The following MCMBP variants were observed in gnomAD, a reference collection of about 807,000 sequenced individuals.
The protein encoded by MCMBP is mini-chromosome maintenance complex-binding protein.
Under a neutral mutation model 81.3 loss-of-function variants are expected in MCMBP, and 31 were observed. That is an observed-to-expected ratio of 0.38 (90% CI 0.29 to 0.51). The LOEUF is 0.51. Ranked by LOEUF, MCMBP falls within the 20% of genes least tolerant of loss-of-function variation. The pLI, the probability that MCMBP is intolerant of heterozygous loss-of-function variation, is 0.87. For synonymous variants in MCMBP, 267 were observed against 275.9 expected, an observed-to-expected ratio of 0.97 and a Z score of 0.32; for missense variants, 645 against 772.1, an observed-to-expected ratio of 0.84 and a Z score of 1.95.
In MCMBP at chr10:119,859,051, GTGTT is replaced by G. The variant is rs1180721050; in HGVS notation, c.271_274del (p.Asn91GlnfsTer14). On this transcript the variant is annotated frameshift_variant, in exon 3 of 16. Transcript: ENST00000369077. LOFTEE classifies it high-confidence loss of function. ...AACAGCAATACTTACATGTGCTTTTGTGTTTTGGTTAACCGTTTCATAAACTCCC... is the reference window on the plus strand; with the variant it reads ...AACAGCAATACTTACATGTGCTTTTGTTGGTTAACCGTTTCATAAACTCCC... 2 of 1,613,400 alleles carry G rather than the reference GTGTT, an allele frequency of 1.2e-6. No individual in the cohort carries two copies. Among genetic ancestry groups the G allele is most frequent in the Non-Finnish European group, 1.7e-6 (2 of 1,179,696 alleles).
chr10:119,840,982 CAAT>C, intron 10 of MCMBP, 22 bp from the exon 11 acceptor site: 1 of 1,356,540 alleles, frequency 7.4e-7, no homozygotes, highest in Non-Finnish European at 1.0e-6. Context: ...AGAAATCAAT[CAAT>C]AAGATGCTGA....
At chr10:119,864,711 A>C (rs1336737877) in intron 1 of MCMBP, among the ~76,000 whole-genome samples, 1 of 128,496 alleles carries the variant, frequency 7.8e-6, no homozygotes, top group Non-Finnish European at 1.7e-5. Flanking sequence ...CTTCATTTCT[A>C]GTTTCATAGG....
At chr10:119,843,114 CGAGA>C (rs1295366823) in intron 9 of MCMBP, 136 bp downstream of exon 9, 4 of 931,732 alleles carry the variant, frequency 4.3e-6, no homozygotes, top group East Asian at 5.2e-5. Context: ...AATGGGGCAA[CGAGA>C]GAGAGATTAC....
chr10:119,860,085 C>T (rs929524014), intron 1 of MCMBP, among the ~76,000 whole-genome samples: 2 of 152,222 alleles, frequency 1.3e-5, no homozygotes, highest in African/African-American at 2.4e-5. Context: ...AGAAGCTGTA[C>T]TGAGCAGGGG....
intron 1 of MCMBP, among the ~76,000 whole-genome samples, chr10:119,867,925 A>G (rs1250600517): frequency 6.6e-6 from 1 of 152,198 alleles, no homozygotes; most frequent in East Asian, 1.9e-4. Context: ...TCATGGTGAT[A>G]ATAAAAAGCA....
rs3758619 is a variant in MCMBP at position 119,858,771 on chromosome 10, T to C, written c.327+113A>G. The C allele has an allele frequency of 4.2e-4, 352 of 830,344 alleles. 1 individual carries two copies. In the East Asian group the frequency reaches 9.0e-3, roughly 21 times the overall value. 51.4% of individuals were successfully genotyped at this position (830,344 alleles called of 1,614,324 possible). Reference sequence around the variant, plus strand: ...AACCAAATAAGGAAAACATTTCACATGATTTCTTGTAACTTATACACAAGA... The same window carrying C: ...AACCAAATAAGGAAAACATTTCACACGATTTCTTGTAACTTATACACAAGA... On this transcript the variant is annotated intron_variant, in intron 4 of 15. Transcript: ENST00000369077.
chr10:119,843,016 G>A, intron 9 of MCMBP: 1 of 455,816 alleles, frequency 2.2e-6, no homozygotes, highest in Non-Finnish European at 4.1e-6. Context: ...GCCTCCTAAA[G>A]TGCTAAGATT....
chr10:119,860,393 A>G (rs1299268388), intron 1 of MCMBP, among the ~76,000 whole-genome samples: 1 of 152,130 alleles, frequency 6.6e-6, no homozygotes, highest in Non-Finnish European at 1.5e-5. Context: ...GCTCCATCTC[A>G]TATTTTTTCT....
intron 1 of MCMBP, among the ~76,000 whole-genome samples, chr10:119,865,400 T>C (rs560919692): frequency 3.0e-4 from 45 of 152,280 alleles, no homozygotes; most frequent in African/African-American, 1.0e-3. Context: ...GAGACCAGCC[T>C]GGCCAACATG....
rs1370918391 is a variant in MCMBP at position 119,831,494 on chromosome 10, C to G, written c.1903G>C (p.Val635Leu). 6.2e-7 allele frequency: 1 copy of G among 1,613,840 alleles called. No individual in the cohort carries two copies. The highest frequency in any genetic ancestry group is 1.3e-5 in the African/African-American group (1 of 74,910). ...CATCTTTAAAGTTCATTTCCATTCA[C>G]ACATTTTTGCTGCTGAAGCCTCGTT... is the stretch of plus-strand genomic sequence containing the variant. ...RRTRLQQQKC[V>L]NGNEL Residue 635 changes from valine to leucine, a missense_variant, in exon 16 of 16, where the codon GTG becomes CTG. Val to Leu is a conservative substitution (Grantham distance 32). Coordinates refer to ENST00000369077, the MANE Select transcript of MCMBP (RefSeq NM_001256378.2).
intron 1 of MCMBP, among the ~76,000 whole-genome samples, chr10:119,865,138 T>C (rs190579220): frequency 5.3e-4 from 80 of 152,306 alleles, no homozygotes; most frequent in African/African-American, 1.9e-3. Context: ...CTAACTACAA[T>C]TGCAGATTTG....
Position 119,843,437 on chromosome 10 carries a change from G to A in MCMBP, c.828-11C>T, listed in dbSNP as rs3740565. ...AGTGCAGAGGCATCCCTGTGGAGAG[G>A]TGATAAAGTTTCAATTTAGAGAGAC... On this transcript the variant is annotated splice_polypyrimidine_tract_variant and intron_variant, in intron 8 of 15. Transcript: ENST00000369077. 110,749 of 1,606,054 alleles carry A rather than the reference G, an allele frequency of 0.069. 6,344 individuals carry two copies. The highest frequency in any genetic ancestry group is 0.25 in the South Asian group (22,907 of 90,560).
intron 1 of MCMBP, among the ~76,000 whole-genome samples, chr10:119,870,276 G>T (rs575338198): frequency 7.0e-4 from 107 of 152,132 alleles, no homozygotes; most frequent in African/African-American, 2.6e-3. Flanking sequence ...GTGAAACCCC[G>T]TCTCTACTAA....
intron 5 of MCMBP, among the ~76,000 whole-genome samples, chr10:119,856,782 T>C (rs1388600748): frequency 3.3e-5 from 5 of 152,222 alleles, no homozygotes; most frequent in Non-Finnish European, 5.9e-5. Flanking sequence ...TGAATTCCAA[T>C]TTGAAACTAT....
At chr10:119,870,102 G>A in intron 1 of MCMBP, among the ~76,000 whole-genome samples, 1 of 152,168 alleles carries the variant, frequency 6.6e-6, no homozygotes, top group Non-Finnish European at 1.5e-5. Context: ...TAAAATATAT[G>A]ACAGGGTTAA....
intron 14 of MCMBP, among the ~76,000 whole-genome samples, chr10:119,833,432 C>T (rs1852118092): frequency 6.8e-6 from 1 of 147,912 alleles, no homozygotes; most frequent in Non-Finnish European, 1.5e-5. Flanking sequence ...TACTTGAAGC[C>T]AGGAGTTGAC....
intron 5 of MCMBP, among the ~76,000 whole-genome samples, chr10:119,854,699 G>C (rs1210248201): frequency 6.6e-6 from 1 of 151,928 alleles, no homozygotes; most frequent in Non-Finnish European, 1.5e-5. Context: ...GCTTATGCCT[G>C]TAATCCCAGC....
At chr10:119,842,979 C>G (rs1852487727) in intron 9 of MCMBP, 1 of 405,546 alleles carries the variant, frequency 2.5e-6, no homozygotes, top group African/African-American at 2.1e-5. Context: ...TCTCGAACTC[C>G]TGACCTCAGG....
Position 119,835,714 on chromosome 10 carries a change from G to A in MCMBP, c.1543-10C>T. On this transcript the variant is annotated splice_polypyrimidine_tract_variant and intron_variant, in intron 13 of 15. Coordinates refer to ENST00000369077, the MANE Select transcript of MCMBP (RefSeq NM_001256378.2). ...GAATCTGGCAGTCTGCCTGAAAAGA[G>A]AAGGAGTACACTGTATTTTCTGAGT... 6.2e-7 allele frequency: 1 copy of A among 1,614,034 alleles called. No homozygotes were observed. Among genetic ancestry groups the A allele is most frequent in the East Asian group, 2.2e-5 (1 of 44,886 alleles).
Sources: gnomAD v4.1 joint callset for allele counts (sites outside exome capture counted in the v4.1 genomes callset) on GRCh38, gnomAD v4.1.1 for gene constraint, MANE v1.5 for transcripts, NCBI Gene and HGNC (gene_info 2026-07-23, HGNC 2026-07-21) for gene names.